FSTL4: variants seen among roughly 807,000 people sequenced by gnomAD.
FSTL4 encodes follistatin-related protein 4.
A neutral mutation model predicts 78.2 loss-of-function variants in FSTL4; 28 were observed. The observed-to-expected ratio is 0.36, with a 90% CI of 0.27 to 0.49. The LOEUF (loss-of-function observed/expected upper bound fraction) is 0.49. Ranked by LOEUF, FSTL4 falls within the 20% of genes least tolerant of loss-of-function variation. The pLI is 0.98. For synonymous variants in FSTL4, 422 were observed against 440.5 expected, an observed-to-expected ratio of 0.96 and a Z score of 0.53; for missense variants, 922 against 1,084.9, an observed-to-expected ratio of 0.85 and a Z score of 2.11.
At chr5:133,712,629 G>C in the FSTL4 span, among the ~76,000 whole-genome samples, 1 of 152,202 alleles carries the variant, frequency 6.6e-6, no homozygotes, top group East Asian at 1.9e-4. Flanking sequence ...AACACAAAAG[G>C]CCTGCAAAGG....
chr5:133,483,168 A>C (rs1350750351), intron 3 of FSTL4, among the ~76,000 whole-genome samples: 1 of 152,170 alleles, frequency 6.6e-6, no homozygotes, highest in African/African-American at 2.4e-5. Flanking sequence ...GCCTGCCACC[A>C]TGTAAGATGT....
intron 4 of FSTL4, among the ~76,000 whole-genome samples, chr5:133,374,752 G>A (rs1334849649): frequency 3.3e-5 from 5 of 151,996 alleles, no homozygotes; most frequent in Non-Finnish European, 7.4e-5. Context: ...TACCATGTGA[G>A]GTCACAGCAA....
intron 3 of FSTL4, among the ~76,000 whole-genome samples, chr5:133,456,169 C>T (rs551491423): frequency 6.6e-6 from 1 of 152,336 alleles, no homozygotes; most frequent in East Asian, 1.9e-4. Flanking sequence ...CTTGGAGGAG[C>T]TCCTCAGGGT....
the FSTL4 span, among the ~76,000 whole-genome samples, chr5:133,798,443 C>A: frequency 6.6e-6 from 1 of 151,158 alleles, no homozygotes; most frequent in East Asian, 1.9e-4. Flanking sequence ...GACAAATGAA[C>A]TCTTCTCATA....
chr5:133,517,925 C>G (rs1266116313), intron 3 of FSTL4, among the ~76,000 whole-genome samples: 1 of 152,170 alleles, frequency 6.6e-6, no homozygotes, highest in Non-Finnish European at 1.5e-5. Flanking sequence ...GGGTGAGGTC[C>G]ACCCACATTA....
chr5:133,808,023 A>T, the FSTL4 span, among the ~76,000 whole-genome samples: 1 of 152,180 alleles, frequency 6.6e-6, no homozygotes, highest in African/African-American at 2.4e-5. Context: ...GAACTCCTTA[A>T]AAAAAGGGGA....
At chr5:133,260,244 G>A (rs559901764) in intron 6 of FSTL4, among the ~76,000 whole-genome samples, 1 of 152,188 alleles carries the variant, frequency 6.6e-6, no homozygotes, top group East Asian at 1.9e-4. Context: ...AGCACAGGCT[G>A]TGCCCTCTCC....
At chr5:133,638,178 A>G in the FSTL4 span, among the ~76,000 whole-genome samples, 1 of 151,668 alleles carries the variant, frequency 6.6e-6, no homozygotes, top group African/African-American at 2.4e-5. Context: ...CTTTCCCAAT[A>G]TAGCCTAAAT....
intron 5 of FSTL4, among the ~76,000 whole-genome samples, chr5:133,313,661 CTTTA>C (rs898057296): frequency 1.3e-5 from 2 of 152,026 alleles, no homozygotes; most frequent in Non-Finnish European, 2.9e-5. Flanking sequence ...GGCATTTTCT[CTTTA>C]TTTAACATTC....
the FSTL4 span, among the ~76,000 whole-genome samples, chr5:133,773,936 T>C: frequency 6.6e-6 from 1 of 152,140 alleles, no homozygotes; most frequent in Non-Finnish European, 1.5e-5. Flanking sequence ...ACGATTAAAA[T>C]TATCACTGGT....
chr5:133,645,735 C>G, the FSTL4 span, among the ~76,000 whole-genome samples: 4 of 152,110 alleles, frequency 2.6e-5, no homozygotes, highest in African/African-American at 9.7e-5. Context: ...GGAGATTTGA[C>G]AGGCAGCAGA....
At chr5:133,747,447 A>T in the FSTL4 span, among the ~76,000 whole-genome samples, 11 of 152,226 alleles carry the variant, frequency 7.2e-5, no homozygotes, top group South Asian at 8.3e-4. Context: ...CCCATAACCC[A>T]AAGTAAGAAC....
At chr5:133,277,347 TG>T (rs1316953528) in intron 6 of FSTL4, among the ~76,000 whole-genome samples, 1 of 151,500 alleles carries the variant, frequency 6.6e-6, no homozygotes, top group Non-Finnish European at 1.5e-5. Flanking sequence ...GGATGATAAT[TG>T]TGTCAGGTAG....
At chr5:133,535,899 G>A (rs959600051) in intron 3 of FSTL4, among the ~76,000 whole-genome samples, 2 of 152,198 alleles carry the variant, frequency 1.3e-5, no homozygotes, top group Admixed American at 1.3e-4. Flanking sequence ...GAGTGTCGTC[G>A]TTTTGTGTCA....
chr5:133,390,152 T>G (rs1755808957), intron 4 of FSTL4, among the ~76,000 whole-genome samples: 1 of 152,202 alleles, frequency 6.6e-6, no homozygotes, highest in South Asian at 2.1e-4. Flanking sequence ...GATGAGCCCT[T>G]TTTTCCAGCT....
At chr5:133,776,520 T>C in the FSTL4 span, among the ~76,000 whole-genome samples, 1 of 152,216 alleles carries the variant, frequency 6.6e-6, no homozygotes, top group Non-Finnish European at 1.5e-5. Flanking sequence ...GCCCCTTCTT[T>C]AACCTCCCTT....
the FSTL4 span, among the ~76,000 whole-genome samples, chr5:133,687,598 C>G: frequency 1.3e-5 from 2 of 152,198 alleles, no homozygotes; most frequent in African/African-American, 4.8e-5. Flanking sequence ...TCTTCCTACT[C>G]ACTAAGGAAT....
At chr5:133,549,363 AT>A (rs1313853776) in intron 3 of FSTL4, among the ~76,000 whole-genome samples, 5 of 152,010 alleles carry the variant, frequency 3.3e-5, no homozygotes, top group Non-Finnish European at 5.9e-5. Context: ...CTATCCTTTG[AT>A]TTTTAAAATT....
chr5:133,335,075 A>G (rs1754433753), intron 4 of FSTL4, among the ~76,000 whole-genome samples: 1 of 152,214 alleles, frequency 6.6e-6, no homozygotes, highest in Non-Finnish European at 1.5e-5. Flanking sequence ...AAGGCTCCCG[A>G]AACACCTGGC....
Sources: gnomAD v4.1 joint callset for allele counts (sites outside exome capture counted in the v4.1 genomes callset) on GRCh38, gnomAD v4.1.1 for gene constraint, MANE v1.5 for transcripts, NCBI Gene and HGNC (gene_info 2026-07-23, HGNC 2026-07-21) for gene names.